Variants in ARL15 observed in about 807,000 individuals in gnomAD.
The protein encoded by ARL15 is ADP-ribosylation factor-like protein 15.
In ARL15, 19 loss-of-function variants were observed where a neutral mutation model predicts 25.2. That is an observed-to-expected ratio of 0.75 (90% CI 0.53 to 1.10). The LOEUF (loss-of-function observed/expected upper bound fraction) is 1.10, where lower values mean the gene tolerates loss of function less well. ARL15 is among the 50% of genes least tolerant of loss of function. The pLI is 0.00. For missense variants in ARL15, 220 were observed against 246.0 expected (o/e 0.89, Z 0.71); for synonymous variants, 94 against 86.8 (o/e 1.08, Z -0.46).
At chr5:54,197,358 C>G (rs895577070) in intron 1 of ARL15, among the ~76,000 whole-genome samples, 1 of 152,084 alleles carries the variant, frequency 6.6e-6, no homozygotes, top group Non-Finnish European at 1.5e-5. Context: ...TGTCTTAAGG[C>G]CACTGTCACA....
At chr5:54,294,738 T>C (rs1758423281) in intron 1 of ARL15, among the ~76,000 whole-genome samples, 1 of 152,258 alleles carries the variant, frequency 6.6e-6, no homozygotes, top group Non-Finnish European at 1.5e-5. Context: ...TAATTTTGAA[T>C]GCACAGGAAA....
chr5:53,988,702 A>G (rs1472553689), intron 4 of ARL15, among the ~76,000 whole-genome samples: 1 of 152,210 alleles, frequency 6.6e-6, no homozygotes, highest in African/African-American at 2.4e-5. Context: ...TGTAGCAAGA[A>G]CATGAAGTAG....
At chr5:54,078,146 A>G (rs1751670834) in intron 4 of ARL15, among the ~76,000 whole-genome samples, 2 of 152,232 alleles carry the variant, frequency 1.3e-5, no homozygotes, top group African/African-American at 4.8e-5. Flanking sequence ...ACAAAAAGCA[A>G]GCACAATGAG....
chr5:54,052,097 G>C (rs566228154), intron 4 of ARL15, among the ~76,000 whole-genome samples: 248 of 152,256 alleles, frequency 1.6e-3, no homozygotes, highest in Non-Finnish European at 3.0e-3. Context: ...AAATATAGCA[G>C]TCAAGGTCTG....
chr5:54,209,171 TA>T (rs1013178748), intron 1 of ARL15, among the ~76,000 whole-genome samples: 1 of 151,350 alleles, frequency 6.6e-6, no homozygotes, highest in Non-Finnish European at 1.5e-5. Context: ...AATGAAGGAG[TA>T]GGGGGAGGTA....
chr5:53,970,136 CA>C (rs1269235901), intron 4 of ARL15, among the ~76,000 whole-genome samples: 2 of 151,596 alleles, frequency 1.3e-5, no homozygotes, highest in African/African-American at 4.9e-5. Context: ...AATGTGGCTG[CA>C]AAAAAATTTG....
intron 1 of ARL15, among the ~76,000 whole-genome samples, chr5:54,306,494 G>A (rs897818790): frequency 1.3e-5 from 2 of 150,616 alleles, no homozygotes; most frequent in African/African-American, 2.4e-5. Context: ...GGGTTCAAGC[G>A]ATTCTCCTGC....
chr5:53,995,858 G>A (rs1212322049), intron 4 of ARL15, among the ~76,000 whole-genome samples: 1 of 152,070 alleles, frequency 6.6e-6, no homozygotes, highest in Admixed American at 6.6e-5. Context: ...ACTTTCTCCA[G>A]TTGGAAACCA....
intron 1 of ARL15, among the ~76,000 whole-genome samples, chr5:54,179,884 G>C (rs1054462383): frequency 2.6e-5 from 4 of 151,876 alleles, no homozygotes; most frequent in Non-Finnish European, 5.9e-5. Context: ...CAGGTGTAGT[G>C]GTGTGTGCCC....
intron 1 of ARL15, among the ~76,000 whole-genome samples, chr5:54,229,866 C>T (rs566303662): frequency 1.3e-5 from 2 of 152,272 alleles, no homozygotes; most frequent in East Asian, 3.9e-4. Context: ...CCCGTTCTCC[C>T]CTTTGAGGCC....
intron 1 of ARL15, among the ~76,000 whole-genome samples, chr5:54,286,644 C>T (rs1252656738): frequency 2.0e-5 from 3 of 152,148 alleles, no homozygotes; most frequent in Non-Finnish European, 2.9e-5. Context: ...AAAAATCACA[C>T]GTAATATCCA....
intron 4 of ARL15, among the ~76,000 whole-genome samples, chr5:54,075,367 C>T (rs1310447178): frequency 6.6e-6 from 1 of 152,130 alleles, no homozygotes; most frequent in Non-Finnish European, 1.5e-5. Flanking sequence ...TTAGTGAATA[C>T]TACTTTACAT....
At chr5:53,988,293 C>A (rs1181291459) in intron 4 of ARL15, among the ~76,000 whole-genome samples, 2 of 147,796 alleles carry the variant, frequency 1.4e-5, no homozygotes, top group Non-Finnish European at 3.0e-5. Context: ...AAGTGAGAGC[C>A]TGTCTCAAAA....
At chr5:53,926,530 C>A (rs910120974) in intron 4 of ARL15, among the ~76,000 whole-genome samples, 2 of 152,082 alleles carry the variant, frequency 1.3e-5, no homozygotes, top group African/African-American at 4.8e-5. Flanking sequence ...CTGACCAGAG[C>A]AAATCAGAAG....
At chr5:54,118,931 C>T (rs1752990529) in intron 3 of ARL15, among the ~76,000 whole-genome samples, 1 of 152,160 alleles carries the variant, frequency 6.6e-6, no homozygotes, top group Non-Finnish European at 1.5e-5. Flanking sequence ...CTCTCCTCAC[C>T]TTATCCTCCC....
chr5:53,990,729 T>C (rs1486219097), intron 4 of ARL15, among the ~76,000 whole-genome samples: 1 of 152,210 alleles, frequency 6.6e-6, no homozygotes, highest in Non-Finnish European at 1.5e-5. Flanking sequence ...TTTTTAAAAA[T>C]TGAATCATAT....
intron 1 of ARL15, among the ~76,000 whole-genome samples, chr5:54,231,298 A>G (rs908467710): frequency 1.3e-5 from 2 of 152,000 alleles, no homozygotes; most frequent in African/African-American, 2.4e-5. Context: ...CAAGTCTACA[A>G]AACTATTAAA....
chr5:53,991,012 T>C (rs1251387523), intron 4 of ARL15, among the ~76,000 whole-genome samples: 1 of 152,206 alleles, frequency 6.6e-6, no homozygotes, highest in East Asian at 1.9e-4. Flanking sequence ...AATATAGTCT[T>C]TTCATATAGT....
intron 4 of ARL15, among the ~76,000 whole-genome samples, chr5:53,967,975 T>C (rs1003554187): frequency 7.9e-5 from 12 of 152,066 alleles, no homozygotes; most frequent in African/African-American, 2.9e-4. Context: ...GTGATGGGTG[T>C]AGGGTGAGAA....
Sources: gnomAD v4.1 joint callset for allele counts (sites outside exome capture counted in the v4.1 genomes callset) on GRCh38, gnomAD v4.1.1 for gene constraint, MANE v1.5 for transcripts, NCBI Gene and HGNC (gene_info 2026-07-23, HGNC 2026-07-21) for gene names.